The following AOC1 variants were observed in gnomAD, a reference collection of about 807,000 sequenced individuals.
AOC1 encodes the protein diamine oxidase [copper-containing].
A neutral mutation model predicts 57.1 loss-of-function variants in AOC1; 58 were observed. The observed-to-expected ratio is 1.02, with a 90% CI of 0.82 to 1.26. The LOEUF (loss-of-function observed/expected upper bound fraction) is 1.26. Among genes scored for constraint, AOC1 ranks in the 50% most tolerant of loss-of-function variants. The pLI is 0.00. For synonymous variants in AOC1, 401 were observed against 423.4 expected (o/e 0.95, Z 0.65); for missense variants, 917 against 1,005.3 (o/e 0.91, Z 1.19).
At chr7:150,854,780 C>A (rs1799724892) in intron 1 of AOC1, among the ~76,000 whole-genome samples, 1 of 152,182 alleles carries the variant, frequency 6.6e-6, no homozygotes, top group Non-Finnish European at 1.5e-5. Flanking sequence ...TGGGTCACTC[C>A]ACGATACACC....
chr7:150,859,166 G>GTA, intron 3 of AOC1, 118 bp downstream of exon 3: 73 of 1,095,946 alleles, frequency 6.7e-5, no homozygotes, highest in Non-Finnish European at 8.5e-5. Context: ...ACACATATAC[G>GTA]TATGTGTATA....
rs1484209073 is a variant in AOC1, at chr7:150,861,159, T to G, written c.2206T>G (p.Cys736Gly). The G allele has an allele frequency of 6.2e-7, 1 of 1,611,272 alleles. No individual in the cohort carries two copies. The highest frequency in any genetic ancestry group is 2.2e-5 in the East Asian group (1 of 44,826). ...GCGCTGGATCCCTGAGGACAGGGAC[T>G]GCTCGATGCCTCCCCCTTTTAGCTA... ...VQRWIPEDRD[C>G]SMPPPFSYNG... Residue 736 changes from cysteine to glycine, a missense_variant, in exon 5 of 5, where the codon TGC becomes GGC. Physicochemically the swap from Cys to Gly is radical, Grantham distance 159 (BLOSUM62 -3). Transcript: ENST00000360937. This position sits in a 1 kb window ranked among gnomAD's most constrained non-coding sequence, Gnocchi z 4.5.
At chr7:150,860,681 C>T (rs1254875276) in intron 4 of AOC1, 48 bp downstream of exon 4, 5 of 1,590,702 alleles carry the variant, frequency 3.1e-6, no homozygotes, top group Middle Eastern at 3.4e-4. Context: ...TGCCTCCTTC[C>T]AGCTCAGCCC....
chr7:150,856,338 T>C lies in AOC1; in HGVS notation c.-16-117T>C. 7.6e-7 allele frequency: 1 copy of C among 1,323,350 alleles called. No individual in the cohort carries two copies. Among genetic ancestry groups the C allele is most frequent in the South Asian group, 1.5e-5 (1 of 66,834 alleles). The allele number at this position is 1,323,350 out of a possible 1,614,324, so 82.0% of individuals were successfully genotyped here. A position where few individuals can be genotyped will look rare whatever the true frequency, so the allele number is the denominator to read the frequency against. ...CAGCTGCCCCAGGACAGCCTCCAGC[T>C]TGGGGCAGGGCAAGGGGAGGAAGCT... On this transcript the variant is annotated intron_variant, in intron 1 of 4. Coordinates refer to ENST00000360937, the MANE Select transcript of AOC1 (RefSeq NM_001091.4). The surrounding 1 kb of genome is among the most constrained non-coding windows in gnomAD (Gnocchi z 5.2).
chr7:150,854,567 T>C (rs1799718260), intron 1 of AOC1, among the ~76,000 whole-genome samples: 1 of 152,084 alleles, frequency 6.6e-6, no homozygotes, highest in African/African-American at 2.4e-5. Context: ...GCAAAGGATG[T>C]GACACTGGCC....
rs199733722 is a variant in AOC1, at chr7:150,857,083, C to T, written c.613C>T (p.Arg205Cys). 9.9e-6 allele frequency: 16 copies of T among 1,614,062 alleles called. No individual in the cohort carries two copies. Among genetic ancestry groups the T allele is most frequent in the African/African-American group, 6.7e-5 (5 of 75,052 alleles). ...GCGCCGCAGTTGGCTTATCATACAG[C>T]GCTATGTAGAAGGCTACTTTCTGCA... ...GQRRSWLIIQ[R>C]YVEGYFLHPT... The change falls in exon 2 of 5, where the codon CGC (arginine) becomes TGC (cysteine). Residue 205 changes from arginine to cysteine, a missense_variant. Coordinates refer to ENST00000360937, the MANE Select transcript of AOC1 (RefSeq NM_001091.4). The surrounding 1 kb of genome is among the most constrained non-coding windows in gnomAD (Gnocchi z 6.6).
In AOC1 at chr7:150,857,432, G is replaced by A. The variant is rs35929142; in HGVS notation, c.962G>A (p.Gly321Asp). The A allele has an allele frequency of 2.5e-6, 4 of 1,611,070 alleles. No individual in the cohort carries two copies. Among genetic ancestry groups the A allele is most frequent in the Non-Finnish European group, 3.4e-6 (4 of 1,179,600 alleles). The change falls in exon 2 of 5, where the codon GGC (glycine) becomes GAC (aspartate). Residue 321 changes from glycine to aspartate, a missense_variant. Coordinates refer to ENST00000360937, the MANE Select transcript of AOC1 (RefSeq NM_001091.4). This position sits in a 1 kb window ranked among gnomAD's most constrained non-coding sequence, Gnocchi z 6.6. ...GAGGGCAACGCTGTGCTCTACGGCGGCTGGAGCTTTGCCTTCCGGCTGCGC... is the reference window on the plus strand; with the variant it reads ...GAGGGCAACGCTGTGCTCTACGGCGACTGGAGCTTTGCCTTCCGGCTGCGC... Reference protein sequence around the residue: ...RLEGNAVLYGGWSFAFRLRSS... With the variant: ...RLEGNAVLYGDWSFAFRLRSS...
rs45621334 is a variant in AOC1, at chr7:150,855,424, G to A, written c.-16-1031G>A. On this transcript the variant is annotated intron_variant, in intron 1 of 4. Coordinates refer to ENST00000360937, the MANE Select transcript of AOC1 (RefSeq NM_001091.4). ...GGGAAGACAGAGCTGTGGCCACCAC[G>A]TCTCCCAGCCCTGCAGGAGGCTCAC... 9.5e-3 allele frequency among the ~76,000 whole-genome samples: 1,443 copies of A among 152,238 alleles called. 19 individuals are homozygous for A. The highest frequency in any genetic ancestry group is 0.033 in the African/African-American group (1,390 of 41,536).
chr7:150,859,163 T>G, intron 3 of AOC1, 115 bp downstream of exon 3: 8 of 1,120,580 alleles, frequency 7.1e-6, no homozygotes, highest in Non-Finnish European at 9.8e-6. Flanking sequence ...TATACACATA[T>G]ACGTATGTGT....
intron 4 of AOC1, 44 bp downstream of exon 4, chr7:150,860,677 C>A: frequency 6.3e-7 from 1 of 1,597,804 alleles, no homozygotes; most frequent in Non-Finnish European, 8.5e-7. Context: ...GCCCTGCCTC[C>A]TTCCAGCTCA....
chr7:150,857,801 G>A lies in AOC1; in HGVS notation c.1331G>A (p.Gly444Glu). 6.2e-7 allele frequency: 1 copy of A among 1,614,188 alleles called. No individual in the cohort carries two copies. Among genetic ancestry groups the A allele is most frequent in the Non-Finnish European group, 8.5e-7 (1 of 1,180,010 alleles). Residue 444 changes from glycine to glutamate, a missense_variant, in exon 2 of 5, where the codon GGG becomes GAG. Gly to Glu is a moderately conservative substitution (Grantham distance 98). Transcript: ENST00000360937. This position sits in a 1 kb window ranked among gnomAD's most constrained non-coding sequence, Gnocchi z 6.6. ...AAAGGTGGCTTCAACTTCTATGCGG[G>A]GCTGAAGGGCCAGGTGCTGGTGCTG... ...NFKGGFNFYA[G>E]LKGQVLVLRT...
At chr7:150,853,661 C>CTATA (rs201712777) in intron 1 of AOC1, among the ~76,000 whole-genome samples, 826 of 62,490 alleles carry the variant, frequency 0.013, 5 homozygotes, top group South Asian at 0.025. Flanking sequence ...GAGATCCTGA[C>CTATA]TATATATATA....
At chr7:150,859,330 G>A (rs561789302) in intron 3 of AOC1, among the ~76,000 whole-genome samples, 4 of 152,220 alleles carry the variant, frequency 2.6e-5, no homozygotes, top group South Asian at 2.1e-4. Flanking sequence ...GAAACATTCC[G>A]TGAACACATA....
At chr7:150,854,939 C>G (rs1799729310) in intron 1 of AOC1, among the ~76,000 whole-genome samples, 1 of 152,180 alleles carries the variant, frequency 6.6e-6, no homozygotes, top group African/African-American at 2.4e-5. Flanking sequence ...GTGGATTAAC[C>G]CTCTCTGCTA....
chr7:150,857,596 T>C lies in AOC1; in HGVS notation c.1126T>C (p.Trp376Arg), dbSNP rs1208714526. The C allele has an allele frequency of 6.2e-7, 1 of 1,614,012 alleles. No homozygotes were observed. Among genetic ancestry groups the C allele is most frequent in the East Asian group, 2.2e-5 (1 of 44,882 alleles). The change falls in exon 2 of 5, where the codon TGG becomes CGG. Residue 376 changes from tryptophan to arginine, a missense_variant. Coordinates refer to ENST00000360937, the MANE Select transcript of AOC1 (RefSeq NM_001091.4). This position sits in a 1 kb window ranked among gnomAD's most constrained non-coding sequence, Gnocchi z 6.6. ...GCAGACCAAGTACCTCGATGTCGGC[T>C]GGGGCCTGGGCAGCGTCACTCATGA... The part of the protein sequence containing the change: ...GMQTKYLDVG[W>R]GLGSVTHELA...
chr7:150,853,650 T>A (rs1799682800), intron 1 of AOC1, among the ~76,000 whole-genome samples: 1 of 139,808 alleles, frequency 7.2e-6, no homozygotes, highest in Non-Finnish European at 1.5e-5. Flanking sequence ...GGCAACATAG[T>A]GAGATCCTGA....
chr7:150,860,870 G>C, intron 4 of AOC1, 73 bp from the exon 5 acceptor site: 1 of 1,530,804 alleles, frequency 6.5e-7, no homozygotes, highest in Non-Finnish European at 8.8e-7. Flanking sequence ...AACTGAAAAT[G>C]ACCAAAGGCT....
Position 150,857,368 on chromosome 7 carries a change from C to G in AOC1, c.898C>G (p.Pro300Ala). The change falls in exon 2 of 5, where the codon CCC (proline) becomes GCC (alanine). Residue 300 changes from proline (P) to alanine (A), a missense_variant. Coordinates refer to ENST00000360937, the MANE Select transcript of AOC1 (RefSeq NM_001091.4). This position sits in a 1 kb window ranked among gnomAD's most constrained non-coding sequence, Gnocchi z 6.6. ...CCCCAGCCCCATCCATGTGAGCGGC[C>G]CCCGCTTGGTCCAGCCCCACGGCCC... ...DFPSPIHVSGPRLVQPHGPRF... is the reference protein window; with the variant it reads ...DFPSPIHVSGARLVQPHGPRF... 6.2e-7 allele frequency: 1 copy of G among 1,608,108 alleles called. No homozygotes were observed. Among genetic ancestry groups the G allele is most frequent in the Non-Finnish European group, 8.5e-7 (1 of 1,176,746 alleles).
rs542941075 is a variant in AOC1 at position 150,857,388 on chromosome 7, C to G, written c.918C>G (p.His306Gln). 4.0e-4 allele frequency: 637 copies of G among 1,609,864 alleles called. 6 individuals carry two copies. The South Asian group carries it at 6.5e-3, about 16-fold the overall frequency. ...GCGGCCCCCGCTTGGTCCAGCCCCA[C>G]GGCCCTCGCTTCAGGCTGGAGGGCA... ...HVSGPRLVQP[H>Q]GPRFRLEGNA... Residue 306 changes from histidine to glutamine, a missense_variant, in exon 2 of 5, where the codon CAC becomes CAG. Physicochemically the swap from His to Gln is conservative, Grantham distance 24. Coordinates refer to ENST00000360937, the MANE Select transcript of AOC1 (RefSeq NM_001091.4). This position sits in a 1 kb window ranked among gnomAD's most constrained non-coding sequence, Gnocchi z 6.6.
Sources: gnomAD v4.1 joint callset for allele counts (sites outside exome capture counted in the v4.1 genomes callset) on GRCh38, gnomAD v4.1.1 for gene constraint, Gnocchi (gnomAD v3.1) non-coding constraint, MANE v1.5 for transcripts, NCBI Gene and HGNC (gene_info 2026-07-23, HGNC 2026-07-21) for gene names.